SUSD2: variants seen among roughly 807,000 people sequenced by gnomAD.
SUSD2 encodes the protein sushi domain containing 2, also known as sushi domain-containing protein 2.
SUSD2 carries 86 observed loss-of-function variants against 93.8 expected under a neutral mutation model. That is an observed-to-expected ratio of 0.92 (90% CI 0.77 to 1.10). The LOEUF is 1.10. Ranked by LOEUF, SUSD2 falls within the 50% of genes least tolerant of loss-of-function variation. The pLI is 0.00. For missense variants in SUSD2, 1,060 were observed against 1,137.0 expected (o/e 0.93, Z 0.97); for synonymous variants, 483 against 485.0 (o/e 1.00, Z 0.05).
At chr22:24,184,663 G>A (rs887470498) in intron 4 of SUSD2, 103 bp from the exon 5 acceptor site, 65 of 978,102 alleles carry the variant, frequency 6.6e-5, no homozygotes, top group Middle Eastern at 3.4e-4. Context: ...TAAGGGGACC[G>A]CCTGGCGGTC....
chr22:24,183,775 CGCCT>C (rs2047341995), intron 3 of SUSD2, 129 bp downstream of exon 3: 1 of 1,076,164 alleles, frequency 9.3e-7, no homozygotes, highest in African/African-American at 1.6e-5. Flanking sequence ...GAGGCCTGCC[CGCCT>C]GCGAGAGTTC....
At chr22:24,184,705 G>T (rs994312849) in intron 4 of SUSD2, 61 bp from the exon 5 acceptor site, 46 of 1,388,406 alleles carry the variant, frequency 3.3e-5, no homozygotes, top group Non-Finnish European at 4.0e-5. Flanking sequence ...GCTGTAGGTG[G>T]CAAGGCCTGG....
At chr22:24,186,459 C>T (rs1039396373) in intron 10 of SUSD2, 44 bp downstream of exon 10, 1 of 1,597,932 alleles carries the variant, frequency 6.3e-7, no homozygotes, top group Admixed American at 1.7e-5. Context: ...CCCTCACCTC[C>T]TCCCCATTCC....
In SUSD2 at chr22:24,188,271, G is replaced by A. The variant is rs141261808; in HGVS notation, c.2388G>A (p.Ala796=). ...VLLGIIFGGL[A]VVAAVALVYV... ...TGGGCATCATCTTTGGGGGCCTCGC[G>A]GTGGTGGCGGCGGTTGCGCTCGTCT... is the stretch of plus-strand genomic sequence containing the variant. Residue 796 remains alanine, a synonymous_variant, in exon 14 of 15, where the codon GCG becomes GCA. Transcript: ENST00000358321. This position sits in a 1 kb window ranked among gnomAD's most constrained non-coding sequence, Gnocchi z 4.7. The A allele has an allele frequency of 1.5e-4, 242 of 1,605,180 alleles. No individual in the cohort carries two copies. The highest frequency in any genetic ancestry group is 1.2e-3 in the African/African-American group (87 of 74,942).
rs372907887 is a variant in SUSD2 at position 24,188,169 on chromosome 22, C to T, written c.2341+34C>T. On this transcript the variant is annotated intron_variant, in intron 13 of 14. Coordinates refer to ENST00000358321, the MANE Select transcript of SUSD2 (RefSeq NM_019601.4). This position sits in a 1 kb window ranked among gnomAD's most constrained non-coding sequence, Gnocchi z 4.7. ...ACTCTGCTCATACACCTGCCTGCAC[C>T]TGTCCCCACTCACCACCCCAGAGAG... is the stretch of plus-strand genomic sequence containing the variant. The T allele has an allele frequency of 6.2e-5, 99 of 1,600,118 alleles. No homozygotes were observed. Among genetic ancestry groups the T allele is most frequent in the Non-Finnish European group, 7.9e-5 (93 of 1,170,822 alleles).
rs1199682465 is a variant in SUSD2 at position 24,184,312 on chromosome 22, A to T, written c.607+9A>T. 6.2e-7 allele frequency: 1 copy of T among 1,612,076 alleles called. No homozygotes were observed. ...GGGCTACGAGGAGACAGGTGAGGCC[A>T]GCTGAGGGCTGGGGTGGCATCAGAG... On this transcript the variant is annotated intron_variant, in intron 4 of 14. Transcript: ENST00000358321.
In SUSD2 at chr22:24,185,124, C is replaced by T. The variant is rs778592982; in HGVS notation, c.813C>T (p.His271=). The T allele has an allele frequency of 1.7e-5, 27 of 1,612,926 alleles. No individual in the cohort carries two copies. The highest frequency in any genetic ancestry group is 2.2e-5 in the East Asian group (1 of 44,846). ...KDVQALWTND[H]ALAWHLSDDF... is the part of the protein sequence containing the mutation. ...TGCAGGCGCTCTGGACCAACGACCA[C>T]GCACTGGCCTGGCACCTGAGCGATG... Residue 271 remains histidine, a synonymous_variant, in exon 6 of 15, where the codon CAC becomes CAT. Coordinates refer to ENST00000358321, the MANE Select transcript of SUSD2 (RefSeq NM_019601.4).
chr22:24,187,164 C>A, intron 10 of SUSD2, 38 bp from the exon 11 acceptor site: 1 of 1,593,820 alleles, frequency 6.3e-7, no homozygotes, highest in South Asian at 1.1e-5. Flanking sequence ...ACAAGATGCT[C>A]ACAGCGGGTG....
Position 24,188,678 on chromosome 22 carries a change from T to C in SUSD2, c.*242T>C, listed in dbSNP as rs1237417067. ...ACTCACGGCTCTAATTCCCCAAACC[T>C]GAAACTTCATACCCTGGGATTCTAA... is the stretch of plus-strand genomic sequence containing the variant. On this transcript the variant is annotated 3_prime_UTR_variant, in exon 15 of 15. Transcript: ENST00000358321. The surrounding 1 kb of genome is among the most constrained non-coding windows in gnomAD (Gnocchi z 4.7). The C allele has an allele frequency of 3.8e-6, 2 of 532,278 alleles. No homozygotes were observed. Among genetic ancestry groups the C allele is most frequent in the Non-Finnish European group, 6.7e-6 (2 of 296,390 alleles). The allele number at this position is 532,278 out of a possible 1,614,324, so 33.0% of individuals were successfully genotyped here. A position where few individuals can be genotyped will look rare whatever the true frequency, so the allele number is the denominator to read the frequency against.
Position 24,184,857 on chromosome 22 carries a change from C to T in SUSD2, c.699C>T (p.Thr233=). The T allele has an allele frequency of 7.4e-6, 12 of 1,614,046 alleles. No homozygotes were observed. Among genetic ancestry groups the T allele is most frequent in the Non-Finnish European group, 1.0e-5 (12 of 1,179,998 alleles). Residue 233 remains threonine, a synonymous_variant, in exon 5 of 15, where the codon ACC becomes ACT. Coordinates refer to ENST00000358321, the MANE Select transcript of SUSD2 (RefSeq NM_019601.4). The part of the protein sequence containing the change: ...HIPNSGSFTF[T]PKPAPPSYQR... ...CCAACTCCGGCTCTTTCACTTTCACCCCAAAACCTGCTCCTCCCAGCTACC... is the reference window on the plus strand; with the variant it reads ...CCAACTCCGGCTCTTTCACTTTCACTCCAAAACCTGCTCCTCCCAGCTACC...
intron 4 of SUSD2, 87 bp from the exon 5 acceptor site, chr22:24,184,679 A>C (rs1485115783): frequency 3.5e-5 from 41 of 1,155,440 alleles, no homozygotes; most frequent in Non-Finnish European, 3.8e-5. Flanking sequence ...CGGTCCATCC[A>C]CCCATCTGTC....
At position 24,186,957 on chromosome 22, in the gene SUSD2, C is replaced by A. The variant is rs556216173; in HGVS notation, c.1643-245C>A. The A allele has an allele frequency of 5.0e-4, 290 of 581,676 alleles. 2 individuals carry two copies. In the South Asian group the frequency reaches 5.8e-3, roughly 12 times the overall value. The allele number at this position is 581,676 out of a possible 1,614,324, so 36.0% of individuals were successfully genotyped here. On this transcript the variant is annotated intron_variant, in intron 10 of 14. Transcript: ENST00000358321. ...GCAGCCAAGGCCAGAGGGACCCACA[C>A]GTGCATCTCAACATGGGGGATTCAC...
At chr22:24,185,025 G>A (rs2047352098) in intron 5 of SUSD2, 69 bp from the exon 6 acceptor site, 1 of 1,611,330 alleles carries the variant, frequency 6.2e-7, no homozygotes, top group Non-Finnish European at 8.5e-7. Context: ...CCCAGGCTGG[G>A]GGTGGGGAGA....
chr22:24,187,577 T>C lies in SUSD2; in HGVS notation c.1898T>C (p.Val633Ala), dbSNP rs1399021817. The change falls in exon 12 of 15, where the codon GTG (valine) becomes GCG (alanine). Residue 633 changes from valine to alanine, a missense_variant. Transcript: ENST00000358321. Reference sequence around the variant, plus strand: ...CCGGTCATGTATCTTCCAGGGACCGTGCACAATGCGTCCTCCCTGCTCACC... The same window carrying C: ...CCGGTCATGTATCTTCCAGGGACCGCGCACAATGCGTCCTCCCTGCTCACC... ...ELFLFGANWT[V>A]HNASSLLTYD... is the part of the protein sequence containing the mutation. The C allele has an allele frequency of 1.1e-5, 18 of 1,611,840 alleles. No individual in the cohort carries two copies. The highest frequency in any genetic ancestry group is 1.5e-5 in the Non-Finnish European group (18 of 1,178,552).
At chr22:24,181,635 C>T (rs747915836) in intron 1 of SUSD2, 40 bp downstream of exon 1, 5 of 1,477,456 alleles carry the variant, frequency 3.4e-6, no homozygotes, top group Non-Finnish European at 4.6e-6. Context: ...TCTGTCTGTC[C>T]ATCTGTCTGC....
rs2047373310 is a variant in SUSD2, at chr22:24,187,245, G to A, written c.1686G>A (p.Met562Ile). The change falls in exon 11 of 15, where the codon ATG becomes ATA. Residue 562 changes from methionine to isoleucine, a missense_variant. By Grantham distance (10) the Met-to-Ile change is conservative. Transcript: ENST00000358321. ...SVAAGDRVSI[M>I]LASGAGLEVS... ...CTGCCGGGGACAGGGTCTCCATCAT[G>A]CTGGCATCAGGGGCCGGCCTGGAGG... 1 of 1,613,784 alleles carries A rather than the reference G, an allele frequency of 6.2e-7. No homozygotes were observed. The highest frequency in any genetic ancestry group is 1.7e-5 in the Admixed American group (1 of 60,000).
At position 24,188,571 on chromosome 22, in the gene SUSD2, G is replaced by C; in HGVS notation, c.*135G>C. 3.7e-6 allele frequency: 3 copies of C among 819,536 alleles called. No homozygotes were observed. Among genetic ancestry groups the C allele is most frequent in the Non-Finnish European group, 5.8e-6 (3 of 515,204 alleles). The allele number at this position is 819,536 out of a possible 1,614,324, so 50.8% of individuals were successfully genotyped here. On this transcript the variant is annotated 3_prime_UTR_variant, in exon 15 of 15. Coordinates refer to ENST00000358321, the MANE Select transcript of SUSD2 (RefSeq NM_019601.4). The surrounding 1 kb of genome is among the most constrained non-coding windows in gnomAD (Gnocchi z 4.7). ...ACCTGGGCATTTAACCCCCTACTCTGTCATCTCAGACCCCAGGCAGGAGGC... is the reference window on the plus strand; with the variant it reads ...ACCTGGGCATTTAACCCCCTACTCTCTCATCTCAGACCCCAGGCAGGAGGC...
chr22:24,184,246 G>C lies in SUSD2; in HGVS notation c.550G>C (p.Val184Leu). 1 of 1,613,756 alleles carries C rather than the reference G, an allele frequency of 6.2e-7. No individual in the cohort carries two copies. Among genetic ancestry groups the C allele is most frequent in the African/African-American group, 1.3e-5 (1 of 75,076 alleles). The change falls in exon 4 of 15, where the codon GTC becomes CTC. Residue 184 changes from valine to leucine, a missense_variant. Physicochemically the swap from Val to Leu is conservative, Grantham distance 32 (BLOSUM62 1). Around this residue, in one of 2 missense-constraint regions of SUSD2, gnomAD observed 973 missense variants for 1,005.3 expected, o/e 0.97. Transcript: ENST00000358321. ...AGGCAACCTCAGCCTGACCTGGCAT[G>C]TCAAGTCGCTGCCCACGCAGACCAT... The part of the protein sequence containing the change: ...TSGNLSLTWH[V>L]KSLPTQTITI...
intron 2 of SUSD2, 108 bp from the exon 3 acceptor site, chr22:24,183,387 C>G: frequency 6.5e-7 from 1 of 1,530,480 alleles, no homozygotes; most frequent in Non-Finnish European, 8.9e-7. Flanking sequence ...GGCAGGAGGG[C>G]ACAGGGACAG....
Sources: allele counts gnomAD v4.1 joint callset, GRCh38; gene constraint gnomAD v4.1.1; regional missense constraint gnomAD v4.1.1; non-coding constraint Gnocchi (gnomAD v3.1); transcripts MANE v1.5; gene names NCBI Gene and HGNC (gene_info 2026-07-23, HGNC 2026-07-21).